Variants in SPTAN1 observed in about 807,000 individuals in gnomAD.
SPTAN1 encodes spectrin alpha, non-erythrocytic 1.
Under a neutral mutation model 331.3 loss-of-function variants are expected in SPTAN1, and 61 were observed. The observed-to-expected ratio is 0.18, with a 90% CI of 0.15 to 0.23. SPTAN1 has a LOEUF of 0.23. Ranked by LOEUF, SPTAN1 falls within the 10% of genes least tolerant of loss-of-function variation. The pLI is 1.00. For missense variants in SPTAN1, 2,043 were observed against 3,147.9 expected, an observed-to-expected ratio of 0.65 and a Z score of 8.40; for synonymous variants, 1,153 against 1,173.9, an observed-to-expected ratio of 0.98 and a Z score of 0.36.
chr9:128,605,820 C>T (rs1037481321), intron 31 of SPTAN1, among the ~76,000 whole-genome samples: 23 of 152,020 alleles, frequency 1.5e-4, no homozygotes, highest in Admixed American at 9.2e-4. Context: ...GGCGAAATGC[C>T]GTCTCTACCA....
chr9:128,603,434 T>G, intron 27 of SPTAN1, 109 bp from the exon 28 acceptor site: 7 of 1,137,402 alleles, frequency 6.2e-6, no homozygotes, highest in Non-Finnish European at 8.0e-6. Context: ...AGTATCCCTT[T>G]AAGGTAATTT....
At chr9:128,620,713 C>A (rs772994758) in intron 44 of SPTAN1, among the ~76,000 whole-genome samples, 5 of 146,546 alleles carry the variant, frequency 3.4e-5, no homozygotes, top group Non-Finnish European at 7.4e-5. Context: ...GCAAGAACTC[C>A]GTCTCAAAAA....
At chr9:128,613,159 A>G (rs757276587) in intron 39 of SPTAN1, among the ~76,000 whole-genome samples, 5 of 152,178 alleles carry the variant, frequency 3.3e-5, no homozygotes, top group Non-Finnish European at 7.3e-5. Context: ...AGTATTTACT[A>G]TGAATAGACT....
intron 26 of SPTAN1, 183 bp downstream of exon 26, chr9:128,599,169 C>G: frequency 1.5e-6 from 1 of 679,852 alleles, no homozygotes; most frequent in Non-Finnish European, 2.7e-6. Flanking sequence ...GAGTCTCACT[C>G]TGTCAACCAG....
At chr9:128,589,285 CTTTTCTTTTTTTTTTTTTT>C (rs1564240485) in intron 21 of SPTAN1, among the ~76,000 whole-genome samples, 1 of 132,788 alleles carries the variant, frequency 7.5e-6, no homozygotes, top group East Asian at 2.4e-4. Flanking sequence ...TTTTCTTTTT[CTTTTCTTTTTTTTTTTTTT>C]TTGAGACAGA....
intron 37 of SPTAN1, 166 bp from the exon 38 acceptor site, chr9:128,611,548 C>A (rs1856561220): frequency 5.2e-6 from 4 of 775,286 alleles, no homozygotes; most frequent in African/African-American, 1.7e-5. Flanking sequence ...AAGAGATGAA[C>A]CCTAAAATAT....
intron 41 of SPTAN1, among the ~76,000 whole-genome samples, chr9:128,617,264 G>GTA (rs1474919418): frequency 6.6e-6 from 1 of 151,226 alleles, no homozygotes; most frequent in Non-Finnish European, 1.5e-5. Context: ...GTGTATATAT[G>GTA]TATATATATA....
chr9:128,616,037 A>C (rs1031918490), intron 41 of SPTAN1, among the ~76,000 whole-genome samples, 197 bp downstream of exon 41: 5 of 152,132 alleles, frequency 3.3e-5, no homozygotes, highest in Non-Finnish European at 7.4e-5. Flanking sequence ...GTGGTGATCC[A>C]TGCTGGCTAC....
chr9:128,574,610 A>G lies in SPTAN1; in HGVS notation c.364-65A>G, dbSNP rs1188098185. Reference sequence around the variant, plus strand: ...AAGGTCTCTAACTTGTCTAAACTCTATGGAAGAGCCAGATCCCACAGAGCC... The same window carrying G: ...AAGGTCTCTAACTTGTCTAAACTCTGTGGAAGAGCCAGATCCCACAGAGCC... On this transcript the variant is annotated intron_variant, in intron 3 of 56. Transcript: ENST00000372739. 9 of 1,598,220 alleles carry G rather than the reference A, an allele frequency of 5.6e-6. No individual in the cohort carries two copies. In the East Asian group the frequency reaches 8.9e-5, roughly 16 times the overall value.
At position 128,632,338 on chromosome 9, in the gene SPTAN1, T is replaced by TG; in HGVS notation, c.6959+16dup. 6.2e-7 allele frequency: 1 copy of TG among 1,613,584 alleles called. No homozygotes were observed. The highest frequency in any genetic ancestry group is 1.1e-5 in the South Asian group (1 of 91,074). ...ATCCAGGCCAGGTACCCGGGAGGGC[T>TG]GTGGGCCAGGCTCAGCCCAGAGCAG... On this transcript the variant is annotated intron_variant, in intron 53 of 56. Transcript: ENST00000372739.
chr9:128,633,421 T>A lies in SPTAN1; in HGVS notation c.*87T>A, dbSNP rs1024956046. 5 of 1,598,378 alleles carry A rather than the reference T, an allele frequency of 3.1e-6. No individual in the cohort carries two copies. The highest frequency in any genetic ancestry group is 4.5e-5 in the East Asian group (2 of 44,854). On this transcript the variant is annotated 3_prime_UTR_variant, in exon 57 of 57. Transcript: ENST00000372739. ...TCCTCTGTGTGCTCTCACTTTCCAC[T>A]GTAACCTTAAGCCTGCTTAGCTTGG...
At position 128,627,803 on chromosome 9, in the gene SPTAN1, T is replaced by C; in HGVS notation, c.6690-122T>C. 8.0e-7 allele frequency: 1 copy of C among 1,254,470 alleles called. No individual in the cohort carries two copies. Among genetic ancestry groups the C allele is most frequent in the Non-Finnish European group, 1.2e-6 (1 of 853,244 alleles). The allele number at this position is 1,254,470 out of a possible 1,614,324, so 77.7% of individuals were successfully genotyped here. ...GACAGACGATGCAGGGTCTGTGCGT[T>C]GGGTACTGATGTTCTTGCTTTTGTT... On this transcript the variant is annotated intron_variant, in intron 50 of 56. Coordinates refer to ENST00000372739, the MANE Select transcript of SPTAN1 (RefSeq NM_001130438.3). This position sits in a 1 kb window ranked among gnomAD's most constrained non-coding sequence, Gnocchi z 4.9.
At chr9:128,559,935 A>G (rs962278881) in intron 1 of SPTAN1, among the ~76,000 whole-genome samples, 1 of 151,712 alleles carries the variant, frequency 6.6e-6, no homozygotes, top group Non-Finnish European at 1.5e-5. Flanking sequence ...GGGTTTCACC[A>G]TGTTGGCCAG....
At chr9:128,588,407 G>A (rs997577755) in intron 20 of SPTAN1, among the ~76,000 whole-genome samples, 1 of 142,434 alleles carries the variant, frequency 7.0e-6, no homozygotes, top group Admixed American at 7.7e-5. Flanking sequence ...CGCCTCCCAG[G>A]TTCAAGTGAT....
chr9:128,611,854 C>G lies in SPTAN1; in HGVS notation c.4905+9C>G. On this transcript the variant is annotated intron_variant, in intron 38 of 56. Transcript: ENST00000372739. Reference sequence around the variant, plus strand: ...GTGAGGATGCTGTCAAGGTATGGCCCACCAGCTCCCGGTGCCCAGGGAGGA... The same window carrying G: ...GTGAGGATGCTGTCAAGGTATGGCCGACCAGCTCCCGGTGCCCAGGGAGGA... 2.5e-6 allele frequency: 4 copies of G among 1,614,144 alleles called. No homozygotes were observed. Among genetic ancestry groups the G allele is most frequent in the Non-Finnish European group, 2.5e-6 (3 of 1,180,044 alleles).
intron 22 of SPTAN1, among the ~76,000 whole-genome samples, chr9:128,591,995 A>G (rs896326015): frequency 2.6e-5 from 4 of 152,106 alleles, no homozygotes; most frequent in African/African-American, 9.7e-5. Flanking sequence ...CATAGCTTTG[A>G]GTTCTGAGAA....
chr9:128,608,845 C>T, intron 34 of SPTAN1, 29 bp from the exon 35 acceptor site: 3 of 1,611,088 alleles, frequency 1.9e-6, no homozygotes, highest in Non-Finnish European at 2.5e-6. Context: ...ACAGGCCCAC[C>T]TTGATCTCAT....
At position 128,618,307 on chromosome 9, in the gene SPTAN1, T is replaced by A. The variant is rs151206158; in HGVS notation, c.5600+199T>A. 3.3e-3 allele frequency among the ~76,000 whole-genome samples: 498 copies of A among 152,240 alleles called. 3 individuals are homozygous for A. Among genetic ancestry groups the A allele is most frequent in the African/African-American group, 0.011 (465 of 41,528 alleles). On this transcript the variant is annotated intron_variant, in intron 43 of 56. Transcript: ENST00000372739. The stretch of plus-strand genomic sequence containing the variant: ...TCTCATTCTGTTCATCTGGACCCAC[T>A]GTATGAGTCCAGAATCATACATGTT...
Position 128,611,764 on chromosome 9 carries a change from T to C in SPTAN1, c.4824T>C (p.Ala1608=). The change falls in exon 38 of 57, where the codon GCT becomes GCC. Residue 1608 remains alanine (A), a synonymous_variant. Transcript: ENST00000372739. ...TTGAAGCAGAGCTGCATGCCAACGC[T>C]GACCGGATCCGTGGGGTTATCGACA... ...QAFEAELHAN[A]DRIRGVIDMG... is the part of the protein sequence containing the mutation. 6.2e-7 allele frequency: 1 copy of C among 1,614,176 alleles called. No homozygotes were observed. Among genetic ancestry groups the C allele is most frequent in the East Asian group, 2.2e-5 (1 of 44,880 alleles).
Sources: gnomAD v4.1 joint callset for allele counts (sites outside exome capture counted in the v4.1 genomes callset) on GRCh38, gnomAD v4.1.1 for gene constraint, Gnocchi (gnomAD v3.1) non-coding constraint, MANE v1.5 for transcripts, NCBI Gene and HGNC (gene_info 2026-07-23, HGNC 2026-07-21) for gene names.